The following MTF2 variants were observed in gnomAD, a reference collection of about 807,000 sequenced individuals.
MTF2 encodes metal-response element-binding transcription factor 2.
MTF2 carries 11 observed loss-of-function variants against 79.5 expected under a neutral mutation model. That is an observed-to-expected ratio of 0.14 (90% CI 0.09 to 0.23). The LOEUF is 0.23. Among genes scored for constraint, MTF2 ranks in the 10% least tolerant of loss-of-function variants. The pLI is 1.00. For synonymous variants in MTF2, 208 were observed against 232.8 expected, an observed-to-expected ratio of 0.89 and a Z score of 0.97; for missense variants, 486 against 711.2, an observed-to-expected ratio of 0.68 and a Z score of 3.60.
In MTF2 at chr1:93,115,508, A is replaced by G. The variant is rs770363822; in HGVS notation, c.522A>G (p.Ala174=). The change falls in exon 6 of 15, where the codon GCA becomes GCG. Residue 174 remains alanine (A), a synonymous_variant. Coordinates refer to ENST00000370298, the MANE Select transcript of MTF2 (RefSeq NM_007358.4). ...GALKKGPNAK[A]LQVMKQTLPY... ...TTAAGAAAGGACCAAATGCCAAAGC[A>G]TTGCAAGTCATGAAGCAGACATTAC... is the stretch of plus-strand genomic sequence containing the variant. 6.2e-7 allele frequency: 1 copy of G among 1,609,842 alleles called. No homozygotes were observed. The highest frequency in any genetic ancestry group is 8.5e-7 in the Non-Finnish European group (1 of 1,178,376).
rs1405790224 is a variant in MTF2 at position 93,115,544 on chromosome 1, G to A, written c.558G>A (p.Val186=). ...QVMKQTLPYS[V]ADLEWDAGHK... is the part of the protein sequence containing the mutation. ...TGAAGCAGACATTACCCTATAGTGT[G>A]GCAGACCTTGAATGGGATGCAGGTC... The change falls in exon 6 of 15, where the codon GTG becomes GTA. Residue 186 remains valine (V), a synonymous_variant. Transcript: ENST00000370298. 6.2e-7 allele frequency: 1 copy of A among 1,612,262 alleles called. No homozygotes were observed. Among genetic ancestry groups the A allele is most frequent in the Admixed American group, 1.7e-5 (1 of 59,552 alleles).
chr1:93,100,351 C>T (rs1043152508), intron 1 of MTF2, among the ~76,000 whole-genome samples: 1 of 152,186 alleles, frequency 6.6e-6, no homozygotes, highest in African/African-American at 2.4e-5. Flanking sequence ...GTCGCCCAGG[C>T]TGGAGTGCAG....
At chr1:93,102,463 G>A (rs1056505672) in intron 1 of MTF2, among the ~76,000 whole-genome samples, 9 of 152,078 alleles carry the variant, frequency 5.9e-5, no homozygotes, top group African/African-American at 2.2e-4. Flanking sequence ...GGCATGGTGT[G>A]TGCCTGTAGT....
intron 11 of MTF2, among the ~76,000 whole-genome samples, chr1:93,130,631 A>G (rs1046067927): frequency 1.1e-4 from 17 of 152,298 alleles, no homozygotes; most frequent in Admixed American, 7.2e-4. Context: ...GTATAGAGGT[A>G]AGAATAAAAG....
intron 9 of MTF2, chr1:93,121,467 A>G (rs969489555): frequency 1.0e-6 from 1 of 976,584 alleles, no homozygotes; most frequent in Non-Finnish European, 1.2e-6. Context: ...TTTTTTAGGT[A>G]AAAATTTTGC....
Position 93,118,326 on chromosome 1 carries a change from T to G in MTF2, c.633-19T>G. On this transcript the variant is annotated intron_variant, in intron 6 of 14. Transcript: ENST00000370298. ...TAAGACAGGAATTTTAGTGTTAACTTTTTTGTTTTTTTTAATAGCTGGTAT... is the reference window on the plus strand; with the variant it reads ...TAAGACAGGAATTTTAGTGTTAACTGTTTTGTTTTTTTTAATAGCTGGTAT... The G allele has an allele frequency of 2.5e-5, 38 of 1,545,800 alleles. No individual in the cohort carries two copies. Among genetic ancestry groups the G allele is most frequent in the Non-Finnish European group, 3.2e-5 (37 of 1,141,588 alleles).
At chr1:93,113,098 A>G (rs1056524920) in intron 3 of MTF2, among the ~76,000 whole-genome samples, 1 of 152,098 alleles carries the variant, frequency 6.6e-6, no homozygotes, top group African/African-American at 2.4e-5. Context: ...AGAAGCAAAC[A>G]GCTGGGCGCA....
intron 1 of MTF2, among the ~76,000 whole-genome samples, chr1:93,093,594 T>A (rs1380971903): frequency 5.3e-5 from 8 of 152,218 alleles, no homozygotes; most frequent in Non-Finnish European, 1.0e-4. Context: ...GTTTACTCCC[T>A]CTGTTTAGTT....
At chr1:93,082,048 C>CA (rs1654625726) in intron 1 of MTF2, among the ~76,000 whole-genome samples, 1 of 152,136 alleles carries the variant, frequency 6.6e-6, no homozygotes. Context: ...TTTCTGTTTT[C>CA]ATATAACATT....
intron 8 of MTF2, chr1:93,120,319 A>AG (rs1352318172): frequency 1.0e-4 from 27 of 261,876 alleles, no homozygotes; most frequent in African/African-American, 4.8e-4. Context: ...AAAAAAAAAA[A>AG]AAGAAGTAAT....
At chr1:93,107,663 A>G (rs1181649692) in intron 1 of MTF2, among the ~76,000 whole-genome samples, 1 of 151,874 alleles carries the variant, frequency 6.6e-6, no homozygotes, top group Non-Finnish European at 1.5e-5. Context: ...TAAGGCAGGT[A>G]TTTTCTTGAA....
intron 9 of MTF2, 123 bp from the exon 10 acceptor site, chr1:93,127,108 AC>A: frequency 3.1e-6 from 2 of 654,384 alleles, no homozygotes; most frequent in Non-Finnish European, 5.5e-6. Flanking sequence ...TGGAATTAGA[AC>A]TTAGATCTTC....
At chr1:93,120,442 C>CT (rs1656429933) in intron 8 of MTF2, 107 bp from the exon 9 acceptor site, 16 of 1,047,922 alleles carry the variant, frequency 1.5e-5, no homozygotes, top group Middle Eastern at 6.5e-4. Flanking sequence ...GACTATCCAC[C>CT]TAAATATTTC....
intron 9 of MTF2, among the ~76,000 whole-genome samples, chr1:93,124,008 T>C (rs566990150): frequency 8.5e-5 from 13 of 152,050 alleles, no homozygotes; most frequent in Non-Finnish European, 1.8e-4. Flanking sequence ...TATTACACTT[T>C]TGGAGATAAT....
At chr1:93,104,788 A>G (rs1417098982) in intron 1 of MTF2, among the ~76,000 whole-genome samples, 1 of 152,142 alleles carries the variant, frequency 6.6e-6, no homozygotes, top group Non-Finnish European at 1.5e-5. Flanking sequence ...TGAACTATAT[A>G]AATTCTGCAT....
intron 1 of MTF2, among the ~76,000 whole-genome samples, chr1:93,081,382 C>G (rs1654601057): frequency 6.6e-6 from 1 of 152,110 alleles, no homozygotes; most frequent in South Asian, 2.1e-4. Context: ...ATCTTTACAT[C>G]TGACTTGAGG....
intron 10 of MTF2, among the ~76,000 whole-genome samples, chr1:93,128,439 C>T (rs931493197): frequency 1.2e-4 from 18 of 151,756 alleles, no homozygotes; most frequent in African/African-American, 4.4e-4. Context: ...CACCTGTATT[C>T]CCAGCTACTT....
intron 8 of MTF2, 97 bp from the exon 9 acceptor site, chr1:93,120,452 C>A: frequency 8.7e-7 from 1 of 1,154,748 alleles, no homozygotes; most frequent in East Asian, 2.7e-5. Context: ...CTAAATATTT[C>A]TCTTTGCATT....
chr1:93,129,609 G>A (rs910943751), intron 11 of MTF2, among the ~76,000 whole-genome samples, 161 bp downstream of exon 11: 3 of 143,366 alleles, frequency 2.1e-5, no homozygotes, highest in African/African-American at 7.8e-5. Flanking sequence ...GACAAGGTAT[G>A]AAGAGTTGAT....
Sources: gnomAD v4.1 joint callset for allele counts (sites outside exome capture counted in the v4.1 genomes callset) on GRCh38, gnomAD v4.1.1 for gene constraint, MANE v1.5 for transcripts, NCBI Gene and HGNC (gene_info 2026-07-23, HGNC 2026-07-21) for gene names.